ANXA4: variants seen among roughly 807,000 people sequenced by gnomAD.
The protein encoded by ANXA4 is 35-beta calcimedin.
ANXA4 carries 39 observed loss-of-function variants against 49.8 expected under a neutral mutation model. That is an observed-to-expected ratio of 0.78 (90% CI 0.61 to 1.02). The LOEUF is 1.02. ANXA4 is among the 50% of genes least tolerant of loss of function. ANXA4 has a pLI of 0.00. For synonymous variants in ANXA4, 134 were observed against 152.5 expected (o/e 0.88, Z 0.89); for missense variants, 360 against 410.1 (o/e 0.88, Z 1.05).
chr2:69,786,844 C>G (rs1327548895), intron 2 of ANXA4, among the ~76,000 whole-genome samples: 1 of 152,136 alleles, frequency 6.6e-6, no homozygotes, highest in East Asian at 1.9e-4. Context: ...ACCTCAGCTT[C>G]CTGAGTAGCT....
chr2:69,732,497 G>A (rs1459167161), intron 3 of ANXA4, among the ~76,000 whole-genome samples: 2 of 151,196 alleles, frequency 1.3e-5, no homozygotes, highest in Non-Finnish European at 1.5e-5. Context: ...GGTGGCTCAC[G>A]CCTGTAATCC....
chr2:69,788,359 A>G (rs10186725), intron 3 of ANXA4, among the ~76,000 whole-genome samples: 75,799 of 151,924 alleles, frequency 0.5, 19,736 homozygotes, highest in African/African-American at 0.66. Context: ...GGCCAACATG[A>G]CAAGACCCCA....
At chr2:69,649,227 A>C (rs553483081) in intron 1 of ANXA4, among the ~76,000 whole-genome samples, 1 of 152,026 alleles carries the variant, frequency 6.6e-6, no homozygotes, top group South Asian at 2.1e-4. Flanking sequence ...CTTATTTTCC[A>C]GTTGATTTTG....
chr2:69,781,621 G>T (rs1046540510), intron 2 of ANXA4, 47 bp downstream of exon 2: 1 of 1,609,906 alleles, frequency 6.2e-7, no homozygotes, highest in Non-Finnish European at 8.5e-7. Flanking sequence ...GCTGCCAACA[G>T]GTACAGAATG....
rs370042262 is a variant in ANXA4 at position 69,750,034 on chromosome 2, G to T, written c.-47+7859G>T. Among the ~76,000 whole-genome samples the T allele has an allele frequency of 7.9e-5, 12 of 152,212 alleles. No individual in the cohort carries two copies. The South Asian group carries it at 2.3e-3, about 29-fold the overall frequency. On this transcript the variant is annotated intron_variant, in intron 1 of 12. Transcript: ENST00000394295. ...AATTATAAGAGTGGTTGCCTGGGGA[G>T]GGGGAAGGAAAGTCTTACAGACTTG...
intron 2 of ANXA4, among the ~76,000 whole-genome samples, chr2:69,663,056 G>A (rs1396734277): frequency 2.2e-4 from 30 of 133,336 alleles, no homozygotes; most frequent in African/African-American, 8.4e-4. Context: ...GCAGTCGCAT[G>A]ATCTCCACTC....
chr2:69,741,373 A>ACTGT (rs1408807685), upstream of ANXA4, among the ~76,000 whole-genome samples: 1 of 152,162 alleles, frequency 6.6e-6, no homozygotes, highest in South Asian at 2.1e-4. Flanking sequence ...AGATATGAAA[A>ACTGT]CACAGAACTA....
intron 3 of ANXA4, among the ~76,000 whole-genome samples, chr2:69,733,009 G>A (rs982100595): frequency 1.3e-5 from 2 of 152,164 alleles, no homozygotes; most frequent in Admixed American, 1.3e-4. Flanking sequence ...TTGGAATTTA[G>A]TGAGGTTTTC....
At chr2:69,820,102 C>G (rs535834822) in intron 11 of ANXA4, among the ~76,000 whole-genome samples, 6 of 149,968 alleles carry the variant, frequency 4.0e-5, no homozygotes, top group Non-Finnish European at 8.9e-5. Context: ...AACAAAACAA[C>G]AACAACAAAA....
At chr2:69,782,387 G>A (rs1319877416) in intron 2 of ANXA4, among the ~76,000 whole-genome samples, 1 of 152,188 alleles carries the variant, frequency 6.6e-6, no homozygotes, top group Admixed American at 6.5e-5. Flanking sequence ...AGATATTCCA[G>A]AATTTTCTTC....
intron 2 of ANXA4, among the ~76,000 whole-genome samples, chr2:69,707,214 C>G (rs1437231657): frequency 1.3e-5 from 2 of 152,166 alleles, no homozygotes; most frequent in Non-Finnish European, 2.9e-5. Flanking sequence ...TAGACCCTAG[C>G]CATAGAGTCA....
rs115133668 is a variant in ANXA4, at chr2:69,709,308, G to C, written n.767-11466G>C. Among the ~76,000 whole-genome samples, 15 of 152,280 alleles carry C rather than the reference G, an allele frequency of 9.9e-5. No individual in the cohort carries two copies. In the South Asian group the frequency reaches 3.1e-3, roughly 32 times the overall value. On this transcript the variant is annotated intron_variant and non_coding_transcript_variant, in intron 2 of 3. Coordinates refer to the ANXA4 transcript ENST00000418066. The stretch of plus-strand genomic sequence containing the variant: ...AAAATACATCTATAAAGTTTACTTC[G>C]TCAAAGTCTGACCTGTTTGCTTAGC...
intron 3 of ANXA4, among the ~76,000 whole-genome samples, chr2:69,722,626 T>A (rs1283476431): frequency 1.3e-5 from 2 of 151,922 alleles, no homozygotes; most frequent in African/African-American, 4.8e-5. Flanking sequence ...GAGGTAGGAA[T>A]GGGGATTTAC....
intron 2 of ANXA4, among the ~76,000 whole-genome samples, chr2:69,661,296 A>G (rs529870124): frequency 2.0e-5 from 3 of 152,158 alleles, no homozygotes; most frequent in African/African-American, 7.2e-5. Context: ...TTTGTATTTC[A>G]GAAAGAAGAA....
At chr2:69,811,984 G>C (rs1175860308) in intron 7 of ANXA4, among the ~76,000 whole-genome samples, 1 of 152,106 alleles carries the variant, frequency 6.6e-6, no homozygotes, top group East Asian at 1.9e-4. Context: ...TCATTTGTTA[G>C]CATTCTTCAG....
intron 1 of ANXA4, among the ~76,000 whole-genome samples, chr2:69,778,634 G>T (rs944750654): frequency 6.6e-5 from 10 of 152,058 alleles, no homozygotes; most frequent in Admixed American, 3.3e-4. Flanking sequence ...AATTAGCCAG[G>T]CATGGCGGCA....
intron 2 of ANXA4, among the ~76,000 whole-genome samples, chr2:69,690,765 C>A (rs1677937197): frequency 6.6e-6 from 1 of 152,184 alleles, no homozygotes; most frequent in Admixed American, 6.5e-5. Context: ...AACCTTTACC[C>A]ATCACATGCC....
At chr2:69,696,846 A>T (rs1250129794) in intron 2 of ANXA4, among the ~76,000 whole-genome samples, 2 of 152,194 alleles carry the variant, frequency 1.3e-5, no homozygotes, top group Non-Finnish European at 2.9e-5. Context: ...TTGAGTAGTA[A>T]GTCTCAACAG....
intron 2 of ANXA4, among the ~76,000 whole-genome samples, chr2:69,675,510 G>T (rs1677374150): frequency 6.6e-6 from 1 of 152,130 alleles, no homozygotes; most frequent in Admixed American, 6.6e-5. Context: ...AATTTTAAAA[G>T]TTACCTCTTT....
Sources: gnomAD v4.1 joint callset for allele counts (sites outside exome capture counted in the v4.1 genomes callset) on GRCh38, gnomAD v4.1.1 for gene constraint, MANE v1.5 for transcripts, NCBI Gene and HGNC (gene_info 2026-07-23, HGNC 2026-07-21) for gene names.